The following SCNN1A variants were observed in gnomAD, a reference collection of about 807,000 sequenced individuals.
SCNN1A encodes the protein epithelial sodium channel subunit alpha.
In SCNN1A, 65 loss-of-function variants were observed where a neutral mutation model predicts 68.6. That is an observed-to-expected ratio of 0.95 (90% CI 0.78 to 1.16). SCNN1A has a LOEUF of 1.16. Ranked by LOEUF, SCNN1A falls within the 50% of genes most tolerant of loss-of-function variation. The pLI, the probability that SCNN1A is intolerant of heterozygous loss-of-function variation, is 0.00. For missense variants in SCNN1A, 880 were observed against 865.9 expected, an observed-to-expected ratio of 1.02 and a Z score of -0.20; for synonymous variants, 357 against 353.3, an observed-to-expected ratio of 1.01 and a Z score of -0.12.
chr12:6,367,753 C>A (rs912584360), intron 2 of SCNN1A, among the ~76,000 whole-genome samples: 1 of 152,166 alleles, frequency 6.6e-6, no homozygotes, highest in Admixed American at 6.5e-5. Flanking sequence ...GAAAAAAATA[C>A]CAGTGCAGGG....
Position 6,347,706 on chromosome 12 carries a change from C to T in SCNN1A, c.*167G>A, listed in dbSNP as rs762326102. On this transcript the variant is annotated 3_prime_UTR_variant, in exon 13 of 13. Transcript: ENST00000228916. ...CTGGGCAGCTTCATCAGCTACTGTT[C>T]TTGGAGCAACTTCCTGAGCCCTTAC... 1 of 665,194 alleles carries T rather than the reference C, an allele frequency of 1.5e-6. No individual in the cohort carries two copies. The highest frequency in any genetic ancestry group is 2.7e-6 in the Non-Finnish European group (1 of 371,382). The allele number at this position is 665,194 out of a possible 1,614,324, so 41.2% of individuals were successfully genotyped here.
chr12:6,353,781 G>C (rs1286820492), intron 8 of SCNN1A: 1 of 133,782 alleles, frequency 7.5e-6, no homozygotes, highest in Admixed American at 7.3e-5. Flanking sequence ...AGTAGAGACG[G>C]GGTTTCACCG....
chr12:6,349,209 G>A lies in SCNN1A; in HGVS notation c.1452C>T (p.Tyr484=), dbSNP rs762984684. 5 of 1,614,172 alleles carry A rather than the reference G, an allele frequency of 3.1e-6. No homozygotes were observed. The highest frequency in any genetic ancestry group is 1.1e-5 in the South Asian group (1 of 91,090). Residue 484 remains tyrosine, a synonymous_variant, in exon 10 of 13, where the codon TAC becomes TAT. Transcript: ENST00000228916. ...KCRKPCSVTS[Y]QLSAGYSRWP... is the part of the protein sequence containing the mutation. The stretch of plus-strand genomic sequence containing the variant: ...ATCGTGAGTAACCAGCAGAGAGCTG[G>A]TAGCTGGTCACGCTGGGGATGGAGA...
At chr12:6,363,395 AG>A (rs1565482529) in intron 3 of SCNN1A, 47 bp downstream of exon 3, 3 of 1,451,984 alleles carry the variant, frequency 2.1e-6, no homozygotes, top group South Asian at 1.4e-5. Flanking sequence ...GGGCGGGGCC[AG>A]GGGCCGGCGA....
rs768513083 is a variant in SCNN1A at position 6,374,332 on chromosome 12, G to C, written c.416+36C>G. On this transcript the variant is annotated intron_variant, in intron 2 of 12. Coordinates refer to ENST00000228916, the MANE Select transcript of SCNN1A (RefSeq NM_001038.6). This position sits in a 1 kb window ranked among gnomAD's most constrained non-coding sequence, Gnocchi z 6.2. Reference sequence around the variant, plus strand: ...AGCACCCTGGACCACCCTTCCAGGCGCAGGCACCAGGGAAGGGGCAGAGGG... The same window carrying C: ...AGCACCCTGGACCACCCTTCCAGGCCCAGGCACCAGGGAAGGGGCAGAGGG... 6.2e-7 allele frequency: 1 copy of C among 1,608,300 alleles called. No homozygotes were observed. The highest frequency in any genetic ancestry group is 1.1e-5 in the South Asian group (1 of 90,546).
At position 6,347,684 on chromosome 12, in the gene SCNN1A, G is replaced by A. The variant is rs1948281160; in HGVS notation, c.*189C>T. The A allele has an allele frequency of 3.1e-6, 2 of 637,166 alleles. No homozygotes were observed. The highest frequency in any genetic ancestry group is 2.7e-5 in the East Asian group (1 of 36,704). The allele number at this position is 637,166 out of a possible 1,614,324, so 39.5% of individuals were successfully genotyped here. ...CAGGGCTGGAGCCAAGGCACTTCTG[G>A]GCAGCTTCATCAGCTACTGTTCTTG... On this transcript the variant is annotated 3_prime_UTR_variant, in exon 13 of 13. Transcript: ENST00000228916.
At position 6,374,957 on chromosome 12, in the gene SCNN1A, C is replaced by T; in HGVS notation, c.-54-120G>A. On this transcript the variant is annotated intron_variant, in intron 1 of 12. Transcript: ENST00000228916. This position sits in a 1 kb window ranked among gnomAD's most constrained non-coding sequence, Gnocchi z 6.2. ...CGAGTGAGGCTGCCCCTGGCCATGCCCATGTCCCACCCTGCGCCCACATTC... is the reference window on the plus strand; with the variant it reads ...CGAGTGAGGCTGCCCCTGGCCATGCTCATGTCCCACCCTGCGCCCACATTC... 6.4e-7 allele frequency: 1 copy of T among 1,570,302 alleles called. No individual in the cohort carries two copies. Among genetic ancestry groups the T allele is most frequent in the Middle Eastern group, 1.7e-4 (1 of 6,006 alleles).
In SCNN1A at chr12:6,348,272, A is replaced by T. The variant is rs1485244722; in HGVS notation, c.1630-19T>A. The stretch of plus-strand genomic sequence containing the variant: ...TGACCATCTGTGAGAGGAGAGGTAC[A>T]TTGACGATGGGACAGAGGGTTCTGG... On this transcript the variant is annotated intron_variant, in intron 12 of 12. Transcript: ENST00000228916. 1 of 1,613,802 alleles carries T rather than the reference A, an allele frequency of 6.2e-7. No individual in the cohort carries two copies. The highest frequency in any genetic ancestry group is 2.2e-5 in the East Asian group (1 of 44,862).
rs776691555 is a variant in SCNN1A, at chr12:6,347,883, C to A, written c.2000G>T (p.Gly667Val). The change falls in exon 13 of 13, where the codon GGG becomes GTG. Residue 667 changes from glycine to valine, a missense_variant. Physicochemically the swap from Gly to Val is moderately radical, Grantham distance 109. Around this residue, in one of 3 missense-constraint regions of SCNN1A, gnomAD observed 758 missense variants for 721.8 expected, o/e 1.05. Coordinates refer to ENST00000228916, the MANE Select transcript of SCNN1A (RefSeq NM_001038.6). The stretch of plus-strand genomic sequence containing the variant: ...ACCTCTCCTTCCCTCTCAGGGCCCC[C>A]CCAGAGGACAGGTGGAGGAACTGGC... ...AGASSSTCPLGGP is the reference protein window; with the variant it reads ...AGASSSTCPLVGP 1.9e-6 allele frequency: 3 copies of A among 1,602,154 alleles called. No homozygotes were observed. Among genetic ancestry groups the A allele is most frequent in the East Asian group, 2.2e-5 (1 of 44,752 alleles).
chr12:6,362,241 A>G lies in SCNN1A; in HGVS notation c.685T>C (p.Cys229Arg). 1 of 1,614,046 alleles carries G rather than the reference A, an allele frequency of 6.2e-7. No homozygotes were observed. The highest frequency in any genetic ancestry group is 8.5e-7 in the Non-Finnish European group (1 of 1,179,878). ...AAGCAGTCCGATTTGTTCTGGTTGC[A>G]CTGGACACAGAGACTAGAGTCAGAG... The part of the protein sequence containing the change: ...WKDWKIGFQL[C>R]NQNKSDCFYQ... The change falls in exon 4 of 13, where the codon TGC becomes CGC. Residue 229 changes from cysteine (C) to arginine (R), a missense_variant and splice_region_variant. By Grantham distance (180) the Cys-to-Arg change is radical. Coordinates refer to ENST00000228916, the MANE Select transcript of SCNN1A (RefSeq NM_001038.6).
intron 2 of SCNN1A, among the ~76,000 whole-genome samples, chr12:6,365,956 G>C (rs1023056749): frequency 6.6e-6 from 1 of 151,708 alleles, no homozygotes; most frequent in Non-Finnish European, 1.5e-5. Context: ...CCGGGTTCAC[G>C]CCATTCTCCT....
intron 2 of SCNN1A, 63 bp from the exon 3 acceptor site, chr12:6,363,773 G>T: frequency 1.4e-6 from 2 of 1,476,996 alleles, no homozygotes; most frequent in Non-Finnish European, 9.1e-7. Flanking sequence ...GGCCCCTCCG[G>T]GGTCAGGGTC....
At position 6,354,892 on chromosome 12, in the gene SCNN1A, G is replaced by A. The variant is rs766544442; in HGVS notation, c.1144-44C>T. 1.4e-5 allele frequency: 21 copies of A among 1,476,880 alleles called. No individual in the cohort carries two copies. In the East Asian group the frequency reaches 2.9e-4, roughly 21 times the overall value. 91.5% of individuals were successfully genotyped at this position (1,476,880 alleles called of 1,614,324 possible). The stretch of plus-strand genomic sequence containing the variant: ...CAAGAGATCAGAGGACAGAGCAAGT[G>A]CCTCTGGGTTCTCTGCCTTCCCTCA... On this transcript the variant is annotated intron_variant, in intron 6 of 12. Transcript: ENST00000228916.
At chr12:6,353,596 A>G (rs1188144371) in intron 8 of SCNN1A, 1 of 146,490 alleles carries the variant, frequency 6.8e-6, no homozygotes, top group Non-Finnish European at 1.5e-5. Flanking sequence ...TATTTTATTT[A>G]TTTATTTTTT....
rs959129213 is a variant in SCNN1A at position 6,352,392 on chromosome 12, T to C, written c.1360+2046A>G. 2.0e-5 allele frequency among the ~76,000 whole-genome samples: 3 copies of C among 152,190 alleles called. No individual in the cohort carries two copies. In the East Asian group the frequency reaches 5.8e-4, roughly 29 times the overall value. ...AATCCCTACCAGGGCTGGAGATCTT[T>C]AGGAAGAAGGGGAAGCAGCTGGCCC... On this transcript the variant is annotated intron_variant, in intron 8 of 12. Coordinates refer to ENST00000228916, the MANE Select transcript of SCNN1A (RefSeq NM_001038.6).
In SCNN1A at chr12:6,348,964, G is replaced by A. The variant is rs138108545; in HGVS notation, c.1539C>T (p.Thr513=). The change falls in exon 11 of 13, where the codon ACC becomes ACT. Residue 513 remains threonine, a synonymous_variant. Transcript: ENST00000228916. Reference sequence around the variant, plus strand: ...GCAGGACTGACCTCTTGTTGTTGACGGTGTAATTGTTCTGTCGCGATAGCA... The same window carrying A: ...GCAGGACTGACCTCTTGTTGTTGACAGTGTAATTGTTCTGTCGCGATAGCA... ...FQMLSRQNNY[T]VNNKRNGVAK... 7.9e-5 allele frequency: 127 copies of A among 1,613,946 alleles called. No homozygotes were observed. In the East Asian group the frequency reaches 1.3e-3, roughly 16 times the overall value.
Position 6,375,536 on chromosome 12 carries a change from C to G in SCNN1A, c.-86G>C. 1 of 1,535,228 alleles carries G rather than the reference C, an allele frequency of 6.5e-7. No homozygotes were observed. Among genetic ancestry groups the G allele is most frequent in the South Asian group, 1.2e-5 (1 of 84,042 alleles). On this transcript the variant is annotated 5_prime_UTR_variant, in exon 1 of 13. Coordinates refer to ENST00000228916, the MANE Select transcript of SCNN1A (RefSeq NM_001038.6). ...GGTGCAGCGGCCTGGCTGGGGAGCC[C>G]GCCCGCTGGCCGGCCAGGGATGGAA...
intron 2 of SCNN1A, among the ~76,000 whole-genome samples, chr12:6,373,482 T>C (rs568591643): frequency 8.5e-5 from 13 of 152,302 alleles, no homozygotes; most frequent in Admixed American, 4.6e-4. Flanking sequence ...ATGAATCCAT[T>C]TTGCCAGGTG....
Position 6,372,708 on chromosome 12 carries a change from C to T in SCNN1A, c.416+1660G>A, listed in dbSNP as rs545554826. ...GCTGTCCTTCCCCTTCCTGCTGGGT[C>T]CCTCCCCTCCACCAAGGCCTAAAGG... On this transcript the variant is annotated intron_variant, in intron 2 of 12. Coordinates refer to ENST00000228916, the MANE Select transcript of SCNN1A (RefSeq NM_001038.6). This position sits in a 1 kb window ranked among gnomAD's most constrained non-coding sequence, Gnocchi z 5.8. Among the ~76,000 whole-genome samples the T allele has an allele frequency of 6.6e-6, 1 of 152,148 alleles. No homozygotes were observed. Among genetic ancestry groups the T allele is most frequent in the African/African-American group, 2.4e-5 (1 of 41,418 alleles).
Sources: allele counts gnomAD v4.1 joint callset (sites outside exome capture counted in the v4.1 genomes callset), GRCh38; gene constraint gnomAD v4.1.1; regional missense constraint gnomAD v4.1.1; non-coding constraint Gnocchi (gnomAD v3.1); transcripts MANE v1.5; gene names NCBI Gene and HGNC (gene_info 2026-07-23, HGNC 2026-07-21).